Variants in CSNK1A1 observed in about 807,000 individuals in gnomAD.
CSNK1A1 encodes casein kinase 1 alpha 1.
A neutral mutation model predicts 46.1 loss-of-function variants in CSNK1A1; 7 were observed. The ratio of observed to expected loss-of-function variants is 0.15; its 90% CI spans 0.09 to 0.29. CSNK1A1 has a LOEUF of 0.29. CSNK1A1 is among the 10% of genes least tolerant of loss of function. The pLI is 1.00. For missense variants in CSNK1A1, 96 were observed against 417.1 expected, an observed-to-expected ratio of 0.23 and a Z score of 6.71; for synonymous variants, 137 against 141.5, an observed-to-expected ratio of 0.97 and a Z score of 0.23.
chr5:149,540,538 C>T (rs1481948404), intron 2 of CSNK1A1, among the ~76,000 whole-genome samples: 3 of 152,192 alleles, frequency 2.0e-5, no homozygotes, highest in African/African-American at 7.2e-5. Flanking sequence ...TAATGTACCT[C>T]ATGGTGATAA....
At chr5:149,542,656 A>ATATGTG (rs1762325398) in intron 2 of CSNK1A1, among the ~76,000 whole-genome samples, 1 of 6,498 alleles carries the variant, frequency 1.5e-4, no homozygotes, top group East Asian at 5.8e-3. Flanking sequence ...ATATATATAT[A>ATATGTG]TATATATATA....
intron 9 of CSNK1A1, among the ~76,000 whole-genome samples, chr5:149,499,973 T>C (rs1330164321): frequency 2.5e-5 from 3 of 121,698 alleles, no homozygotes; most frequent in Non-Finnish European, 3.5e-5. Flanking sequence ...TTTTCTTTTT[T>C]TTTTTTTTTT....
intron 9 of CSNK1A1, 36 bp from the exon 10 acceptor site, chr5:149,496,896 T>C: frequency 6.5e-7 from 1 of 1,531,996 alleles, no homozygotes; most frequent in Non-Finnish European, 8.7e-7. Context: ...AAGTTAAAAT[T>C]CCAAGTCAAA....
intron 4 of CSNK1A1, among the ~76,000 whole-genome samples, chr5:149,515,542 T>C (rs1225820253): frequency 1.3e-5 from 2 of 152,124 alleles, no homozygotes; most frequent in African/African-American, 2.4e-5. Flanking sequence ...TCTCCTCTTA[T>C]AAAAACTGAA....
At chr5:149,532,022 G>A (rs146501245) in intron 2 of CSNK1A1, among the ~76,000 whole-genome samples, 26 of 152,086 alleles carry the variant, frequency 1.7e-4, no homozygotes, top group East Asian at 5.8e-4. Flanking sequence ...GGGATTACAG[G>A]CATATGCGAC....
At chr5:149,506,232 C>T (rs553100032) in intron 8 of CSNK1A1, among the ~76,000 whole-genome samples, 2 of 151,322 alleles carry the variant, frequency 1.3e-5, no homozygotes, top group South Asian at 2.1e-4. Flanking sequence ...TGGCAGATTA[C>T]TTGAATTCTT....
chr5:149,527,431 A>C (rs924989397), intron 2 of CSNK1A1, among the ~76,000 whole-genome samples: 3 of 152,094 alleles, frequency 2.0e-5, no homozygotes, highest in African/African-American at 7.2e-5. Context: ...CGGCCAGAAG[A>C]GCCAGTTTTG....
intron 2 of CSNK1A1, among the ~76,000 whole-genome samples, chr5:149,539,479 A>AAG (rs996080997): frequency 7.2e-5 from 11 of 151,824 alleles, no homozygotes; most frequent in African/African-American, 2.2e-4. Flanking sequence ...AAAAAAAAAA[A>AAG]AAAGAAAGAA....
intron 2 of CSNK1A1, among the ~76,000 whole-genome samples, chr5:149,546,187 C>A (rs1409052881): frequency 6.6e-6 from 1 of 151,780 alleles, no homozygotes; most frequent in Non-Finnish European, 1.5e-5. Flanking sequence ...CAGGCGTGAG[C>A]CATGGCGCCC....
intron 2 of CSNK1A1, among the ~76,000 whole-genome samples, chr5:149,531,834 C>T (rs1218617028): frequency 7.1e-6 from 1 of 141,366 alleles, no homozygotes; most frequent in Non-Finnish European, 1.6e-5. Flanking sequence ...AAGACTCCAT[C>T]TCAAAAAAAA....
intron 9 of CSNK1A1, chr5:149,503,136 T>C (rs1760925057): frequency 1.0e-6 from 1 of 985,294 alleles, no homozygotes; most frequent in Non-Finnish European, 1.2e-6. Context: ...CCCTTGTTAC[T>C]TAGAGACTGG....
intron 2 of CSNK1A1, among the ~76,000 whole-genome samples, chr5:149,546,999 T>C (rs1028870012): frequency 6.6e-6 from 1 of 152,176 alleles, no homozygotes; most frequent in Non-Finnish European, 1.5e-5. Context: ...TTAAAACCAA[T>C]GAACCACTTT....
chr5:149,507,464 C>CT lies in CSNK1A1; in HGVS notation c.751-332dup, dbSNP rs572610497. Among the ~76,000 whole-genome samples the CT allele has an allele frequency of 3.2e-3, 459 of 145,130 alleles. 2 individuals are homozygous for CT. Among genetic ancestry groups the CT allele is most frequent in the African/African-American group, 8.8e-3 (352 of 39,834 alleles). ...TATCAAAGTCGCGCCTCTTCGTGAA[C>CT]TTTTTTTTTTTTTAAAGACAGGGTC... On this transcript the variant is annotated intron_variant, in intron 7 of 9. Coordinates refer to ENST00000377843, the MANE Select transcript of CSNK1A1 (RefSeq NM_001892.6).
chr5:149,513,553 C>T (rs1337468248), intron 4 of CSNK1A1, among the ~76,000 whole-genome samples: 1 of 152,134 alleles, frequency 6.6e-6, no homozygotes, highest in Non-Finnish European at 1.5e-5. Context: ...CATAATGACA[C>T]CTGATAGTCT....
chr5:149,525,014 C>CA lies in CSNK1A1; in HGVS notation c.357+30dup, dbSNP rs1249164281. The CA allele has an allele frequency of 6.3e-7, 1 of 1,585,550 alleles. No individual in the cohort carries two copies. The highest frequency in any genetic ancestry group is 1.4e-5 in the African/African-American group (1 of 73,894). On this transcript the variant is annotated intron_variant, in intron 3 of 9. Coordinates refer to ENST00000377843, the MANE Select transcript of CSNK1A1 (RefSeq NM_001892.6). This position sits in a 1 kb window ranked among gnomAD's most constrained non-coding sequence, Gnocchi z 4.2. ...AAATTCCAGTCAACAGTACTAGTCT[C>CA]AGTTTATATTCTAATCAAAATTTCA...
At chr5:149,505,138 TG>T in intron 9 of CSNK1A1, 2 of 1,033,050 alleles carry the variant, frequency 1.9e-6, no homozygotes, top group Non-Finnish European at 2.3e-6. Flanking sequence ...ACCAAATTTT[TG>T]GAAAGGGGGT....
In CSNK1A1 at chr5:149,551,331, G is replaced by A. The variant is rs1762653576; in HGVS notation, c.-367C>T. 4.4e-6 allele frequency: 1 copy of A among 224,746 alleles called. No individual in the cohort carries two copies. Among genetic ancestry groups the A allele is most frequent in the Admixed American group, 5.4e-5 (1 of 18,394 alleles). The allele number at this position is 224,746 out of a possible 1,614,324, so 13.9% of individuals were successfully genotyped here. A position where few individuals can be genotyped will look rare whatever the true frequency, so the allele number is the denominator to read the frequency against. ...CACTGCCGCCGGCTCCGGCCCAGAG[G>A]GACCCCTGTCACTCCGCGGACGACG... On this transcript the variant is annotated 5_prime_UTR_variant, in exon 1 of 10. Transcript: ENST00000377843.
chr5:149,524,194 T>C (rs1286391504), intron 3 of CSNK1A1, among the ~76,000 whole-genome samples: 1 of 152,174 alleles, frequency 6.6e-6, no homozygotes, highest in Non-Finnish European at 1.5e-5. Context: ...CTCTTCCTTT[T>C]TATGTGATAG....
At chr5:149,527,253 A>C (rs1186639686) in intron 2 of CSNK1A1, among the ~76,000 whole-genome samples, 1 of 151,528 alleles carries the variant, frequency 6.6e-6, no homozygotes, top group East Asian at 1.9e-4. Context: ...TCAGCCTCCC[A>C]AGTAGCTGGG....
Sources: allele counts gnomAD v4.1 joint callset (sites outside exome capture counted in the v4.1 genomes callset), GRCh38; gene constraint gnomAD v4.1.1; non-coding constraint Gnocchi (gnomAD v3.1); transcripts MANE v1.5; gene names NCBI Gene and HGNC (gene_info 2026-07-23, HGNC 2026-07-21).